STK17A: variants seen among roughly 807,000 people sequenced by gnomAD.
The protein encoded by STK17A is serine/threonine kinase 17a.
A neutral mutation model predicts 43.7 loss-of-function variants in STK17A; 26 were observed. That is an observed-to-expected ratio of 0.60 (90% CI 0.44 to 0.83). The LOEUF is 0.83. Ranked by LOEUF, STK17A falls within the 40% of genes least tolerant of loss-of-function variation. The pLI, the probability that STK17A is intolerant of heterozygous loss-of-function variation, is 0.00. For missense variants in STK17A, 476 were observed against 511.6 expected, an observed-to-expected ratio of 0.93 and a Z score of 0.67; for synonymous variants, 191 against 182.5, an observed-to-expected ratio of 1.05 and a Z score of -0.38.
At chr7:43,583,876 T>G (rs888733856) in intron 1 of STK17A, among the ~76,000 whole-genome samples, 1 of 152,216 alleles carries the variant, frequency 6.6e-6, no homozygotes, top group African/African-American at 2.4e-5. Context: ...CTGTGTGGTT[T>G]TAATAAAATA....
intron 1 of STK17A, among the ~76,000 whole-genome samples, chr7:43,584,645 G>A (rs1295079550): frequency 6.6e-6 from 1 of 152,182 alleles, no homozygotes; most frequent in African/African-American, 2.4e-5. Context: ...CACATATTAA[G>A]GTAACTTTTG....
chr7:43,597,310 GA>G (rs1285401353), intron 2 of STK17A, among the ~76,000 whole-genome samples: 5 of 139,602 alleles, frequency 3.6e-5, no homozygotes, highest in African/African-American at 1.2e-4. Flanking sequence ...TATAATTATG[GA>G]AAAAAAATCC....
chr7:43,608,116 T>C, intron 2 of STK17A, 140 bp from the exon 3 acceptor site: 6 of 850,802 alleles, frequency 7.1e-6, no homozygotes, highest in Non-Finnish European at 1.0e-5. Flanking sequence ...GTCCCATCTC[T>C]ATTTTTCAAA....
At position 43,608,566 on chromosome 7, in the gene STK17A, G is replaced by A. The variant is rs983267664; in HGVS notation, c.564+166G>A. 7 of 690,446 alleles carry A rather than the reference G, an allele frequency of 1.0e-5. No homozygotes were observed. In the Middle Eastern group the frequency reaches 1.2e-3, roughly 121 times the overall value. 42.8% of individuals were successfully genotyped at this position (690,446 alleles called of 1,614,324 possible). A position where few individuals can be genotyped will look rare whatever the true frequency, so the allele number is the denominator to read the frequency against. On this transcript the variant is annotated intron_variant, in intron 3 of 6. Coordinates refer to ENST00000319357, the MANE Select transcript of STK17A (RefSeq NM_004760.3). ...TCCTCTAGCCAGTTAGTTTTATCAGGGAGATAATGCACACATGTGTACATG... is the reference window on the plus strand; with the variant it reads ...TCCTCTAGCCAGTTAGTTTTATCAGAGAGATAATGCACACATGTGTACATG...
Position 43,608,380 on chromosome 7 carries a change from G to A in STK17A, c.544G>A (p.Val182Ile), listed in dbSNP as rs764582897. ...TGTTCACTTTTTACACACTCGTGAT[G>A]TAGTTCATCTTGATTTGAAGGTAAG... ...EGVHFLHTRD[V>I]VHLDLKPQNI... The change falls in exon 3 of 7, where the codon GTA (valine) becomes ATA (isoleucine). Residue 182 changes from valine to isoleucine, a missense_variant. By Grantham distance (29) the Val-to-Ile change is conservative (BLOSUM62 3). Around this residue, in one of 3 missense-constraint regions of STK17A, gnomAD observed 320 missense variants for 326.3 expected, o/e 0.98. Coordinates refer to ENST00000319357, the MANE Select transcript of STK17A (RefSeq NM_004760.3). 5.0e-6 allele frequency: 8 copies of A among 1,607,552 alleles called. No individual in the cohort carries two copies. Among genetic ancestry groups the A allele is most frequent in the Non-Finnish European group, 6.8e-6 (8 of 1,178,348 alleles).
At position 43,622,264 on chromosome 7, in the gene STK17A, C is replaced by T. The variant is rs549752209; in HGVS notation, c.692-1308C>T. ...TCTTTTGAAACTTTAACATTCACAA[C>T]CTCTGTTTCTCACTCAACCATTTCA... On this transcript the variant is annotated intron_variant, in intron 4 of 6. Coordinates refer to ENST00000319357, the MANE Select transcript of STK17A (RefSeq NM_004760.3). The T allele has an allele frequency of 4.6e-5, 7 of 152,172 alleles. No homozygotes were observed. In the South Asian group the frequency reaches 1.5e-3, roughly 32 times the overall value. 9.4% of individuals were successfully genotyped at this position (152,172 alleles called of 1,614,324 possible).
At chr7:43,622,214 T>G (rs1410574617) in intron 4 of STK17A, 1 of 152,252 alleles carries the variant, frequency 6.6e-6, no homozygotes, top group East Asian at 1.9e-4. Context: ...ATGCTATGCA[T>G]TTCATTTTTA....
intron 3 of STK17A, chr7:43,609,314 C>A (rs566053093): frequency 6.6e-6 from 1 of 152,318 alleles, no homozygotes; most frequent in Non-Finnish European, 1.5e-5. Flanking sequence ...TCTGATTACA[C>A]CAGCGTAGAT....
At position 43,583,283 on chromosome 7, in the gene STK17A, C is replaced by G; in HGVS notation, c.40C>G (p.Pro14Ala). 6.5e-7 allele frequency: 1 copy of G among 1,542,916 alleles called. No homozygotes were observed. The highest frequency in any genetic ancestry group is 8.7e-7 in the Non-Finnish European group (1 of 1,147,736). Residue 14 changes from proline to alanine, a missense_variant, in exon 1 of 7, where the codon CCA becomes GCA. By Grantham distance (27) the Pro-to-Ala change is conservative (BLOSUM62 -1). Coordinates refer to ENST00000319357, the MANE Select transcript of STK17A (RefSeq NM_004760.3). ...LEKPGSGGSS[P>A]GATSGSGRAG... Reference sequence around the variant, plus strand: ...GAAGCCAGGCAGCGGCGGCTCCTCCCCAGGCGCCACCTCAGGCTCGGGCCG... The same window carrying G: ...GAAGCCAGGCAGCGGCGGCTCCTCCGCAGGCGCCACCTCAGGCTCGGGCCG...
intron 1 of STK17A, among the ~76,000 whole-genome samples, chr7:43,587,723 T>C (rs2082453164): frequency 6.6e-6 from 1 of 151,650 alleles, no homozygotes; most frequent in South Asian, 2.1e-4. Context: ...ACAGATGTTA[T>C]TTAAGATTTC....
At chr7:43,610,816 T>A (rs2082801878) in intron 3 of STK17A, among the ~76,000 whole-genome samples, 1 of 151,456 alleles carries the variant, frequency 6.6e-6, no homozygotes, top group Admixed American at 6.6e-5. Flanking sequence ...GAAGGCGCAC[T>A]CTCAAGAAGG....
chr7:43,603,178 T>C (rs12532021), intron 2 of STK17A, among the ~76,000 whole-genome samples: 40,318 of 152,118 alleles, frequency 0.27, 6,065 homozygotes, highest in Non-Finnish European at 0.33. Context: ...GATATTATTC[T>C]CTTGCTTAGA....
At chr7:43,616,635 C>T (rs1182578656) in intron 3 of STK17A, among the ~76,000 whole-genome samples, 4 of 152,288 alleles carry the variant, frequency 2.6e-5, no homozygotes, top group Non-Finnish European at 4.4e-5. Context: ...CGGTGGCTCA[C>T]GCCTGTAATC....
chr7:43,624,843 G>A lies in STK17A; in HGVS notation c.*1G>A, dbSNP rs1183066998. 6.3e-7 allele frequency: 1 copy of A among 1,589,310 alleles called. No individual in the cohort carries two copies. The highest frequency in any genetic ancestry group is 1.4e-5 in the African/African-American group (1 of 73,704). On this transcript the variant is annotated 3_prime_UTR_variant, in exon 7 of 7. Transcript: ENST00000319357. ...AATTCCAGGAGAATTTATCTACTGAGCAATATTTCCCTTTAGAACTTCAAG... is the reference window on the plus strand; with the variant it reads ...AATTCCAGGAGAATTTATCTACTGAACAATATTTCCCTTTAGAACTTCAAG...
In STK17A at chr7:43,626,792, G is replaced by A. The variant is rs1563177291; in HGVS notation, c.*1950G>A. The stretch of plus-strand genomic sequence containing the variant: ...AATAAATATATTTAATATAATTGCT[G>A]TATTTGTGAGAAAGATCTGTTTTCT... On this transcript the variant is annotated 3_prime_UTR_variant, in exon 7 of 7. Transcript: ENST00000319357. The A allele has an allele frequency of 6.6e-6, 1 of 152,126 alleles. No homozygotes were observed. The highest frequency in any genetic ancestry group is 6.5e-5 in the Admixed American group (1 of 15,276). 9.4% of individuals were successfully genotyped at this position (152,126 alleles called of 1,614,324 possible).
At chr7:43,607,647 CAAAAAAA>C (rs760624386) in intron 2 of STK17A, among the ~76,000 whole-genome samples, 43 of 54,358 alleles carry the variant, frequency 7.9e-4, no homozygotes, top group African/African-American at 2.6e-3. Flanking sequence ...GACTCCGTCT[CAAAAAAA>C]AAAAAAAAAA....
intron 3 of STK17A, chr7:43,609,769 G>A (rs982818182): frequency 1.3e-5 from 2 of 152,256 alleles, no homozygotes; most frequent in East Asian, 1.9e-4. Flanking sequence ...ATGGTAACCT[G>A]AGAAGGCCGA....
intron 1 of STK17A, among the ~76,000 whole-genome samples, chr7:43,591,637 A>G (rs2082480732): frequency 6.6e-6 from 1 of 151,592 alleles, no homozygotes; most frequent in East Asian, 1.9e-4. Context: ...ACTGCATTCT[A>G]GCACCTAAAG....
At chr7:43,620,873 C>T (rs544559564) in intron 4 of STK17A, among the ~76,000 whole-genome samples, 16 of 152,088 alleles carry the variant, frequency 1.1e-4, no homozygotes, top group East Asian at 5.8e-4. Flanking sequence ...AAGAGGAGGG[C>T]GGCCGTGGCA....
Sources: gnomAD v4.1 joint callset for allele counts (sites outside exome capture counted in the v4.1 genomes callset) on GRCh38, gnomAD v4.1.1 for gene constraint, gnomAD v4.1.1 regional missense constraint, MANE v1.5 for transcripts, NCBI Gene and HGNC (gene_info 2026-07-23, HGNC 2026-07-21) for gene names.